ADCY8: variants seen among roughly 807,000 people sequenced by gnomAD.
The protein encoded by ADCY8 is adenylate cyclase type 8.
Under a neutral mutation model 119.7 loss-of-function variants are expected in ADCY8, and 51 were observed. That is an observed-to-expected ratio of 0.43 (90% CI 0.34 to 0.54). The LOEUF (loss-of-function observed/expected upper bound fraction) is 0.54, where lower values mean the gene tolerates loss of function less well. ADCY8 is among the 20% of genes least tolerant of loss of function. The pLI is 0.03. For synonymous variants in ADCY8, 665 were observed against 651.0 expected (o/e 1.02, Z -0.33); for missense variants, 1,383 against 1,598.8 (o/e 0.87, Z 2.30).
intron 9 of ADCY8, among the ~76,000 whole-genome samples, chr8:130,865,363 C>A (rs758516332): frequency 6.6e-6 from 1 of 151,438 alleles, no homozygotes; most frequent in Non-Finnish European, 1.5e-5. Context: ...TTATTTATTT[C>A]TTGAGCTGTC....
At chr8:130,942,084 C>A (rs528867843) in intron 4 of ADCY8, among the ~76,000 whole-genome samples, 10 of 152,288 alleles carry the variant, frequency 6.6e-5, no homozygotes, top group Middle Eastern at 3.4e-3. Flanking sequence ...ACTCCATTCC[C>A]AGCCCTCCTT....
rs772840638 is a variant in ADCY8, at chr8:130,903,946, C to G, written c.1737G>C (p.Lys579Asn). Residue 579 changes from lysine to asparagine, a missense_variant, in exon 7 of 18, where the codon AAG becomes AAC. Lys to Asn is a moderately conservative substitution (Grantham distance 94). This residue lies in a region of ADCY8 where 928 missense variants were observed against 1,163.5 expected (regional missense o/e 0.80). Coordinates refer to ENST00000286355, the MANE Select transcript of ADCY8 (RefSeq NM_001115.3). ...TAATTAAGTAAGTTTCGATATTATG[C>G]TTCCTCAGGAATTCATTCCTCTCTT... ...HGKERNEFLR[K>N]HNIETYLIKQ... The G allele has an allele frequency of 4.3e-6, 7 of 1,614,142 alleles. No individual in the cohort carries two copies. The highest frequency in any genetic ancestry group is 5.1e-6 in the Non-Finnish European group (6 of 1,180,004).
In ADCY8 at chr8:130,937,818, C is replaced by T. The variant is rs569995300; in HGVS notation, c.1354-618G>A. The stretch of plus-strand genomic sequence containing the variant: ...ATAATAAGGCAAACATTGTCCCTAA[C>T]CCAAAGATGACTAATAATAGCTCCT... On this transcript the variant is annotated intron_variant, in intron 4 of 17. Coordinates refer to ENST00000286355, the MANE Select transcript of ADCY8 (RefSeq NM_001115.3). 2.6e-5 allele frequency among the ~76,000 whole-genome samples: 4 copies of T among 152,206 alleles called. No individual in the cohort carries two copies. In the South Asian group the frequency reaches 8.3e-4, roughly 32 times the overall value.
intron 1 of ADCY8, among the ~76,000 whole-genome samples, chr8:131,036,438 C>T (rs1824156959): frequency 6.6e-6 from 1 of 152,042 alleles, no homozygotes; most frequent in African/African-American, 2.4e-5. Context: ...TATAATATTT[C>T]CTATATGATG....
At chr8:130,979,407 A>G (rs932809535) in intron 2 of ADCY8, among the ~76,000 whole-genome samples, 1 of 152,162 alleles carries the variant, frequency 6.6e-6, no homozygotes, top group Non-Finnish European at 1.5e-5. Context: ...TGACAATTGT[A>G]CACCTGCCCC....
chr8:130,903,312 C>T (rs1426517430), intron 7 of ADCY8, among the ~76,000 whole-genome samples: 2 of 151,922 alleles, frequency 1.3e-5, no homozygotes, highest in Non-Finnish European at 2.9e-5. Flanking sequence ...TGCTCCTTTC[C>T]TATTTCCAAA....
chr8:130,849,856 C>T, intron 9 of ADCY8, 53 bp from the exon 10 acceptor site: 1 of 1,507,104 alleles, frequency 6.6e-7, no homozygotes, highest in South Asian at 1.2e-5. Flanking sequence ...CTGAGCAACA[C>T]TGAAATTCTA....
chr8:130,969,193 A>G (rs1364238360), intron 2 of ADCY8, among the ~76,000 whole-genome samples: 1 of 152,122 alleles, frequency 6.6e-6, no homozygotes, highest in African/African-American at 2.4e-5. Flanking sequence ...CCTTCATAAT[A>G]TGGGTGGTCC....
At chr8:130,786,892 G>A (rs761830935) in intron 15 of ADCY8, among the ~76,000 whole-genome samples, 50 of 152,082 alleles carry the variant, frequency 3.3e-4, no homozygotes, top group Admixed American at 2.0e-4. Flanking sequence ...AGCAGTGAGT[G>A]TATGAGTTTG....
intron 8 of ADCY8, among the ~76,000 whole-genome samples, chr8:130,876,351 G>A (rs147274227): frequency 0.011 from 1,622 of 152,126 alleles, 33 homozygotes; most frequent in African/African-American, 0.037. Context: ...ACTCCCGGCC[G>A]GGTTTGATTG....
intron 8 of ADCY8, among the ~76,000 whole-genome samples, chr8:130,881,747 T>C (rs1171130883): frequency 6.6e-6 from 1 of 152,142 alleles, no homozygotes; most frequent in Non-Finnish European, 1.5e-5. Context: ...ATCAGGGGAA[T>C]CCTAAAATCT....
chr8:130,787,716 G>A (rs943905044), intron 15 of ADCY8, among the ~76,000 whole-genome samples: 5 of 150,214 alleles, frequency 3.3e-5, no homozygotes, highest in Admixed American at 1.3e-4. Context: ...ATTTGTGTGA[G>A]TATGCATTTG....
At chr8:130,838,903 A>T (rs1441451329) in intron 11 of ADCY8, among the ~76,000 whole-genome samples, 1 of 140,846 alleles carries the variant, frequency 7.1e-6, no homozygotes, top group African/African-American at 2.4e-5. Flanking sequence ...GTGGGTACAG[A>T]GGAAGGACAA....
intron 3 of ADCY8, among the ~76,000 whole-genome samples, chr8:130,944,214 C>T (rs1321032581): frequency 6.6e-6 from 1 of 152,166 alleles, no homozygotes; most frequent in Non-Finnish European, 1.5e-5. Context: ...AGGAGACTTG[C>T]CCAGCATCTC....
At chr8:131,025,058 T>G (rs1294987436) in intron 1 of ADCY8, among the ~76,000 whole-genome samples, 1 of 152,202 alleles carries the variant, frequency 6.6e-6, no homozygotes, top group African/African-American at 2.4e-5. Flanking sequence ...GAAACTCATT[T>G]TGAAGCCAAG....
intron 3 of ADCY8, among the ~76,000 whole-genome samples, chr8:130,950,933 C>T (rs1563741748): frequency 1.3e-5 from 2 of 152,266 alleles, no homozygotes; most frequent in African/African-American, 4.8e-5. Flanking sequence ...CTCTTGACCT[C>T]GTGATCCGCC....
chr8:130,981,334 A>G (rs1036461432), intron 2 of ADCY8, among the ~76,000 whole-genome samples: 1 of 152,182 alleles, frequency 6.6e-6, no homozygotes. Flanking sequence ...AAAATAAGCT[A>G]TTTTAGGCAT....
At chr8:130,831,683 G>A (rs904410293) in intron 12 of ADCY8, among the ~76,000 whole-genome samples, 1 of 152,160 alleles carries the variant, frequency 6.6e-6, no homozygotes, top group Admixed American at 6.6e-5. Flanking sequence ...AAGTAAACTG[G>A]TTTGAAAATT....
chr8:130,897,604 C>G (rs1819438173), intron 7 of ADCY8, among the ~76,000 whole-genome samples: 1 of 31,486 alleles, frequency 3.2e-5, no homozygotes, highest in Admixed American at 3.8e-4. Context: ...CTGGTCATTT[C>G]CTGATGTTTT....
Sources: allele counts gnomAD v4.1 joint callset (sites outside exome capture counted in the v4.1 genomes callset), GRCh38; gene constraint gnomAD v4.1.1; regional missense constraint gnomAD v4.1.1; transcripts MANE v1.5; gene names NCBI Gene and HGNC (gene_info 2026-07-23, HGNC 2026-07-21).